SAMD12: variants seen among roughly 807,000 people sequenced by gnomAD.
SAMD12 encodes sterile alpha motif domain-containing protein 12.
Under a neutral mutation model 15.0 loss-of-function variants are expected in SAMD12, and 9 were observed. The observed-to-expected ratio is 0.60, with a 90% CI of 0.36 to 1.05. The LOEUF is 1.05. Ranked by LOEUF, SAMD12 falls within the 50% of genes least tolerant of loss-of-function variation. The probability of loss-of-function intolerance (pLI) is 0.01; values close to 1 mark genes in which losing one functional copy is unlikely to be tolerated. For synonymous variants in SAMD12, 86 were observed against 90.1 expected, an observed-to-expected ratio of 0.96 and a Z score of 0.25; for missense variants, 230 against 234.2, an observed-to-expected ratio of 0.98 and a Z score of 0.12.
At chr8:118,480,880 C>T (rs549373999) in intron 2 of SAMD12, among the ~76,000 whole-genome samples, 1 of 152,184 alleles carries the variant, frequency 6.6e-6, no homozygotes, top group Admixed American at 6.5e-5. Context: ...CTGCCCAGGC[C>T]TTTCTCAACC....
At chr8:118,446,890 G>A (rs969072412) in intron 2 of SAMD12, among the ~76,000 whole-genome samples, 3 of 151,996 alleles carry the variant, frequency 2.0e-5, no homozygotes, top group Admixed American at 2.0e-4. Context: ...TTTTCTTCCT[G>A]AACTACAGAA....
chr8:118,429,217 A>AT (rs572870286), intron 3 of SAMD12, among the ~76,000 whole-genome samples: 6 of 152,190 alleles, frequency 3.9e-5, no homozygotes, highest in African/African-American at 1.4e-4. Context: ...TTCTTGTAGG[A>AT]TTTTTTTCTT....
intron 2 of SAMD12, among the ~76,000 whole-genome samples, chr8:118,561,265 G>A (rs533605456): frequency 6.6e-6 from 1 of 152,226 alleles, no homozygotes; most frequent in African/African-American, 2.4e-5. Flanking sequence ...TCTATTTGGT[G>A]AAAACAAATT....
chr8:118,508,136 G>A (rs1034467878), intron 2 of SAMD12, among the ~76,000 whole-genome samples: 74 of 151,248 alleles, frequency 4.9e-4, no homozygotes, highest in Admixed American at 1.3e-3. Flanking sequence ...TGGGACTACA[G>A]GTGTGAGCCA....
chr8:118,308,153 G>C (rs1212610797), intron 4 of SAMD12, among the ~76,000 whole-genome samples: 1 of 152,172 alleles, frequency 6.6e-6, no homozygotes, highest in Non-Finnish European at 1.5e-5. Context: ...TGTAAACATA[G>C]TCATTTCTTC....
At chr8:118,293,484 T>C (rs567659664) in intron 4 of SAMD12, among the ~76,000 whole-genome samples, 149 of 152,300 alleles carry the variant, frequency 9.8e-4, no homozygotes, top group African/African-American at 3.3e-3. Context: ...ATATATAACA[T>C]TGAAAACAGA....
intron 2 of SAMD12, among the ~76,000 whole-genome samples, chr8:118,556,060 T>C (rs572421436): frequency 2.0e-5 from 3 of 152,348 alleles, no homozygotes; most frequent in South Asian, 4.1e-4. Flanking sequence ...AACTGGAGAA[T>C]GCCAGGGCAA....
At chr8:118,466,886 G>C (rs535649138) in intron 2 of SAMD12, among the ~76,000 whole-genome samples, 1 of 152,092 alleles carries the variant, frequency 6.6e-6, no homozygotes, top group Non-Finnish European at 1.5e-5. Flanking sequence ...AATCTTAAAG[G>C]AAATTAACCA....
intron 2 of SAMD12, 78 bp from the exon 3 acceptor site, chr8:118,440,039 G>T: frequency 7.0e-7 from 1 of 1,428,380 alleles, no homozygotes; most frequent in Non-Finnish European, 9.7e-7. Context: ...CTTAGAGTGT[G>T]TTAAAGGCTA....
intron 1 of SAMD12, among the ~76,000 whole-genome samples, chr8:118,603,051 G>A (rs1307393498): frequency 1.3e-5 from 2 of 151,820 alleles, no homozygotes; most frequent in Non-Finnish European, 2.9e-5. Flanking sequence ...CATAGAAATT[G>A]TAAATGCCAG....
intron 2 of SAMD12, among the ~76,000 whole-genome samples, chr8:118,471,937 T>G (rs916428319): frequency 1.3e-5 from 2 of 152,214 alleles, no homozygotes; most frequent in African/African-American, 4.8e-5. Context: ...CCAGTTTCAT[T>G]ACTTACTAGC....
At chr8:118,225,817 T>TA (rs1163034958) in intron 4 of SAMD12, among the ~76,000 whole-genome samples, 1 of 152,162 alleles carries the variant, frequency 6.6e-6, no homozygotes, top group Non-Finnish European at 1.5e-5. Context: ...ACCTTGAACT[T>TA]ACAAAATCAT....
At chr8:118,203,786 G>C (rs2129784929) in intron 4 of SAMD12, among the ~76,000 whole-genome samples, 2 of 140,778 alleles carry the variant, frequency 1.4e-5, no homozygotes, top group Middle Eastern at 4.0e-3. Flanking sequence ...CTGTGTCCAA[G>C]TGTTCTCATT....
At chr8:118,264,593 G>A (rs1211239843) in intron 4 of SAMD12, among the ~76,000 whole-genome samples, 1 of 152,104 alleles carries the variant, frequency 6.6e-6, no homozygotes, top group African/African-American at 2.4e-5. Flanking sequence ...AATGCCAGGG[G>A]AAAACAGAAC....
chr8:118,341,081 G>A (rs561362291), intron 4 of SAMD12, among the ~76,000 whole-genome samples: 45 of 152,262 alleles, frequency 3.0e-4, no homozygotes, highest in Middle Eastern at 3.4e-3. Flanking sequence ...GATGAAAAAC[G>A]AATGGCTTCT....
intron 4 of SAMD12, among the ~76,000 whole-genome samples, chr8:118,329,368 T>C (rs1028909495): frequency 6.6e-6 from 1 of 152,128 alleles, no homozygotes; most frequent in Admixed American, 6.5e-5. Context: ...ATTATTATGA[T>C]TAAAATTATT....
At chr8:118,246,091 G>T (rs1043794369) in intron 4 of SAMD12, among the ~76,000 whole-genome samples, 2 of 152,080 alleles carry the variant, frequency 1.3e-5, no homozygotes, top group Non-Finnish European at 2.9e-5. Flanking sequence ...TACTATGTGG[G>T]TATCAAACAC....
chr8:118,230,195 T>C (rs1449836336), intron 4 of SAMD12, among the ~76,000 whole-genome samples: 1 of 152,116 alleles, frequency 6.6e-6, no homozygotes, highest in Non-Finnish European at 1.5e-5. Flanking sequence ...GCGTTTCACT[T>C]GAAATTCTCC....
chr8:118,335,237 T>G (rs1817002118), intron 4 of SAMD12, among the ~76,000 whole-genome samples: 1 of 152,196 alleles, frequency 6.6e-6, no homozygotes, highest in Non-Finnish European at 1.5e-5. Context: ...ATGCTCCCAA[T>G]GTGGCTCATC....
Sources: gnomAD v4.1 joint callset for allele counts (sites outside exome capture counted in the v4.1 genomes callset) on GRCh38, gnomAD v4.1.1 for gene constraint, MANE v1.5 for transcripts, NCBI Gene and HGNC (gene_info 2026-07-23, HGNC 2026-07-21) for gene names.